EYS: variants seen among roughly 807,000 people sequenced by gnomAD.
EYS encodes the protein protein eyes shut homolog.
EYS carries 250 observed loss-of-function variants against 282.1 expected under a neutral mutation model. That is an observed-to-expected ratio of 0.89 (90% confidence interval 0.80 to 0.98). The LOEUF (loss-of-function observed/expected upper bound fraction) is 0.98, where lower values mean the gene tolerates loss of function less well. Ranked by LOEUF, EYS falls within the 50% of genes least tolerant of loss-of-function variation. The pLI is 0.00. For synonymous variants in EYS, 1,355 were observed against 1,282.9 expected (o/e 1.06, Z -1.20); for missense variants, 4,016 against 3,709.0 (o/e 1.08, Z -2.15).
intron 35 of EYS, among the ~76,000 whole-genome samples, chr6:63,873,889 T>TTTGTAG (rs1382386314): frequency 1.3e-5 from 2 of 152,220 alleles, no homozygotes; most frequent in African/African-American, 2.4e-5. Flanking sequence ...AGATTCTGGA[T>TTTGTAG]ATTAGCCCTT....
chr6:64,302,712 T>G (rs999955461), intron 30 of EYS, among the ~76,000 whole-genome samples: 5 of 152,170 alleles, frequency 3.3e-5, no homozygotes, highest in Non-Finnish European at 5.9e-5. Context: ...GTAAGGACCC[T>G]GCAACACTAG....
intron 12 of EYS, among the ~76,000 whole-genome samples, chr6:65,167,688 A>G (rs1765007084): frequency 6.6e-6 from 1 of 151,172 alleles, no homozygotes. Flanking sequence ...GTTTGGGGCA[A>G]CTATTGATTA....
intron 8 of EYS, among the ~76,000 whole-genome samples, chr6:65,383,363 G>A (rs1765686673): frequency 6.6e-6 from 1 of 151,642 alleles, no homozygotes; most frequent in Admixed American, 6.6e-5. Flanking sequence ...TTAGTGTCAT[G>A]TCTTAATTAG....
At chr6:64,135,476 G>A (rs536488526) in intron 31 of EYS, among the ~76,000 whole-genome samples, 1 of 151,964 alleles carries the variant, frequency 6.6e-6, no homozygotes, top group East Asian at 1.9e-4. Flanking sequence ...AACACTATGG[G>A]GATATTTTAA....
chr6:64,539,722 G>A (rs910495721), intron 26 of EYS, among the ~76,000 whole-genome samples: 3 of 152,166 alleles, frequency 2.0e-5, no homozygotes, highest in African/African-American at 7.2e-5. Context: ...AGAAACCACT[G>A]CCATTTGATT....
intron 28 of EYS, among the ~76,000 whole-genome samples, chr6:64,417,297 T>G (rs947418739): frequency 6.6e-6 from 1 of 152,202 alleles, no homozygotes; most frequent in Non-Finnish European, 1.5e-5. Context: ...ATTACCTGCA[T>G]TTAACAAATG....
chr6:65,554,719 GA>G (rs1768728986), intron 2 of EYS, among the ~76,000 whole-genome samples: 1 of 152,142 alleles, frequency 6.6e-6, no homozygotes, highest in East Asian at 1.9e-4. Flanking sequence ...TGCCCTATCA[GA>G]AAGATTACTA....
intron 1 of EYS, among the ~76,000 whole-genome samples, chr6:65,663,029 T>A (rs1229669110): frequency 6.6e-6 from 1 of 152,110 alleles, no homozygotes; most frequent in African/African-American, 2.4e-5. Context: ...GAAAAATATT[T>A]GAAAATAATA....
intron 33 of EYS, among the ~76,000 whole-genome samples, chr6:64,001,803 G>A (rs903302182): frequency 1.3e-5 from 2 of 152,126 alleles, no homozygotes; most frequent in Non-Finnish European, 2.9e-5. Flanking sequence ...AATATGCATA[G>A]GATAATACCA....
intron 12 of EYS, among the ~76,000 whole-genome samples, chr6:65,234,181 T>A (rs2150270544): frequency 6.6e-6 from 1 of 152,318 alleles, no homozygotes; most frequent in Middle Eastern, 3.4e-3. Context: ...TCTGCAGAGC[T>A]CTTTGTCATA....
At chr6:65,330,968 A>G in intron 11 of EYS, 2 of 984,346 alleles carry the variant, frequency 2.0e-6, no homozygotes, top group Non-Finnish European at 2.4e-6. Flanking sequence ...TTTCTCATAT[A>G]TTGAGTTCCC....
At chr6:64,452,112 T>C (rs1775372199) in intron 26 of EYS, among the ~76,000 whole-genome samples, 2 of 151,998 alleles carry the variant, frequency 1.3e-5, no homozygotes, top group African/African-American at 4.8e-5. Flanking sequence ...AGAAAACCCC[T>C]CGTCTCAGCC....
At chr6:64,892,249 T>C (rs1174414436) in intron 18 of EYS, among the ~76,000 whole-genome samples, 1 of 151,956 alleles carries the variant, frequency 6.6e-6, no homozygotes, top group Non-Finnish European at 1.5e-5. Context: ...GAGGAATTAA[T>C]AAGTAGATGT....
intron 14 of EYS, among the ~76,000 whole-genome samples, chr6:64,968,905 A>C (rs996293533): frequency 1.3e-5 from 2 of 152,218 alleles, no homozygotes; most frequent in African/African-American, 4.8e-5. Flanking sequence ...CTTTATATGA[A>C]GGTACAAAGA....
chr6:63,905,989 T>TTGA (rs1387554262), intron 35 of EYS, among the ~76,000 whole-genome samples: 1 of 152,348 alleles, frequency 6.6e-6, no homozygotes, highest in East Asian at 1.9e-4. Context: ...TGTTGCTCAA[T>TTGA]CCCTGAAGCT....
At chr6:65,336,353 T>TA (rs552964860) in intron 10 of EYS, among the ~76,000 whole-genome samples, 2 of 151,720 alleles carry the variant, frequency 1.3e-5, no homozygotes, top group Admixed American at 1.3e-4. Context: ...TAGCAAAGGT[T>TA]AAAAAAATCA....
rs145417184 is a variant in EYS, at chr6:65,480,360, C to T, written c.862+10234G>A. ...GGCTTTCAATGACTACAGGATATTA[C>T]GGGCCTTATATAAATATACACAGAT... On this transcript the variant is annotated intron_variant, in intron 5 of 42. Transcript: ENST00000503581. 7.7e-3 allele frequency among the ~76,000 whole-genome samples: 1,176 copies of T among 151,968 alleles called. 4 individuals carry two copies. The highest frequency in any genetic ancestry group is 0.013 in the Non-Finnish European group (866 of 67,970).
At chr6:63,739,298 G>A (rs1014234595) in intron 41 of EYS, among the ~76,000 whole-genome samples, 1 of 152,112 alleles carries the variant, frequency 6.6e-6, no homozygotes, top group Non-Finnish European at 1.5e-5. Context: ...GAAGCAACAT[G>A]TGTGAGGGAG....
chr6:65,212,200 A>G (rs556722488), intron 12 of EYS, among the ~76,000 whole-genome samples: 1 of 152,234 alleles, frequency 6.6e-6, no homozygotes, highest in East Asian at 1.9e-4. Context: ...TTTATCAAGT[A>G]TGTGGACAAT....
Sources: gnomAD v4.1 joint callset for allele counts (sites outside exome capture counted in the v4.1 genomes callset) on GRCh38, gnomAD v4.1.1 for gene constraint, MANE v1.5 for transcripts, NCBI Gene and HGNC (gene_info 2026-07-23, HGNC 2026-07-21) for gene names.